CNTNAP5: variants seen among roughly 807,000 people sequenced by gnomAD.
CNTNAP5 encodes the protein contactin associated protein family member 5.
Under a neutral mutation model 150.2 loss-of-function variants are expected in CNTNAP5, and 72 were observed. The ratio of observed to expected loss-of-function variants is 0.48; its 90% CI spans 0.40 to 0.58. The LOEUF (loss-of-function observed/expected upper bound fraction) is 0.58, where lower values mean the gene tolerates loss of function less well. CNTNAP5 is among the 20% of genes least tolerant of loss of function. CNTNAP5 has a pLI of 0.00. For synonymous variants in CNTNAP5, 672 were observed against 619.8 expected, an observed-to-expected ratio of 1.08 and a Z score of -1.25; for missense variants, 1,636 against 1,626.2, an observed-to-expected ratio of 1.01 and a Z score of -0.10.
chr2:124,893,745 C>CT (rs1558816426), intron 21 of CNTNAP5, among the ~76,000 whole-genome samples: 1 of 152,038 alleles, frequency 6.6e-6, no homozygotes, highest in Admixed American at 6.6e-5. Context: ...TGGGACCATT[C>CT]TTTTTTTAGG....
At chr2:124,487,090 C>T (rs528564541) in intron 7 of CNTNAP5, among the ~76,000 whole-genome samples, 2 of 152,256 alleles carry the variant, frequency 1.3e-5, no homozygotes, top group South Asian at 4.2e-4. Flanking sequence ...AGTACATCCA[C>T]CCATGGGGTT....
chr2:124,820,646 A>G (rs1682467560), intron 19 of CNTNAP5, among the ~76,000 whole-genome samples: 1 of 152,146 alleles, frequency 6.6e-6, no homozygotes, highest in Non-Finnish European at 1.5e-5. Flanking sequence ...ATGGGCTTCT[A>G]GTTTCAATTA....
rs1223666404 is a variant in CNTNAP5 at position 124,917,337 on chromosome 2, A to C, written c.*3049A>C. 6.6e-6 allele frequency among the ~76,000 whole-genome samples: 1 copy of C among 152,064 alleles called. No homozygotes were observed. The highest frequency in any genetic ancestry group is 2.4e-5 in the African/African-American group (1 of 41,438). ...CATTGATATTTTTTTCCACCAAACA[A>C]ATCTATTTATGTAAGCAACAGTATA... On this transcript the variant is annotated 3_prime_UTR_variant, in exon 24 of 24. Transcript: ENST00000682447.
chr2:124,754,756 T>A (rs1291410377), intron 14 of CNTNAP5, among the ~76,000 whole-genome samples: 1 of 152,048 alleles, frequency 6.6e-6, no homozygotes, highest in Non-Finnish European at 1.5e-5. Flanking sequence ...GGTGTGATCT[T>A]GGCTCACCGC....
chr2:124,627,483 C>CCTGA (rs3039904), intron 12 of CNTNAP5, among the ~76,000 whole-genome samples: 64,299 of 150,188 alleles, frequency 0.43, 15,648 homozygotes, highest in Non-Finnish European at 0.56. Flanking sequence ...AGAAGAAAGG[C>CCTGA]CTGTTAGAAG....
At chr2:124,650,169 G>C (rs1371705507) in intron 13 of CNTNAP5, among the ~76,000 whole-genome samples, 1 of 152,160 alleles carries the variant, frequency 6.6e-6, no homozygotes, top group Admixed American at 6.5e-5. Flanking sequence ...GAATCAAAAG[G>C]AGGGAGATAA....
intron 1 of CNTNAP5, among the ~76,000 whole-genome samples, chr2:124,038,118 C>T (rs1253957370): frequency 2.0e-5 from 3 of 152,088 alleles, no homozygotes; most frequent in Non-Finnish European, 4.4e-5. Context: ...ATACCCAATT[C>T]CATTATTTTT....
At chr2:124,446,473 A>G (rs1412812720) in intron 5 of CNTNAP5, among the ~76,000 whole-genome samples, 1 of 152,152 alleles carries the variant, frequency 6.6e-6, no homozygotes. Context: ...AATCATATTT[A>G]TGTAGCCATA....
intron 8 of CNTNAP5, among the ~76,000 whole-genome samples, chr2:124,507,468 A>AAAC (rs1331950736): frequency 4.2e-4 from 64 of 152,116 alleles, no homozygotes; most frequent in Admixed American, 2.8e-3. Context: ...CAAAAAAACA[A>AAAC]AACAACAACA....
intron 13 of CNTNAP5, among the ~76,000 whole-genome samples, chr2:124,703,352 T>A (rs1679566619): frequency 6.6e-6 from 1 of 151,712 alleles, no homozygotes; most frequent in Non-Finnish European, 1.5e-5. Flanking sequence ...AGCATGAATA[T>A]CATATATATT....
At chr2:124,665,855 C>T (rs937761527) in intron 13 of CNTNAP5, among the ~76,000 whole-genome samples, 3 of 149,516 alleles carry the variant, frequency 2.0e-5, no homozygotes, top group African/African-American at 4.9e-5. Flanking sequence ...CACTGCACTC[C>T]GGCCTGGGCG....
intron 1 of CNTNAP5, among the ~76,000 whole-genome samples, chr2:124,027,709 A>G (rs1184490435): frequency 6.6e-6 from 1 of 152,240 alleles, no homozygotes; most frequent in African/African-American, 2.4e-5. Flanking sequence ...GTATTTTATC[A>G]GTGACAGTTT....
At chr2:124,548,713 G>A (rs1479045783) in intron 10 of CNTNAP5, among the ~76,000 whole-genome samples, 1 of 152,136 alleles carries the variant, frequency 6.6e-6, no homozygotes, top group African/African-American at 2.4e-5. Flanking sequence ...CCATCTGCAA[G>A]TATAAGTGAC....
intron 1 of CNTNAP5, among the ~76,000 whole-genome samples, chr2:124,153,306 G>T (rs1244486889): frequency 6.6e-6 from 1 of 152,136 alleles, no homozygotes; most frequent in Non-Finnish European, 1.5e-5. Context: ...AATAGCAAGA[G>T]GTCTAGAGTG....
chr2:124,860,493 TTCCTTCCTTCTTTCCTTCC>T lies in CNTNAP5; in HGVS notation c.3218-4811_3218-4793del, dbSNP rs1558803933. On this transcript the variant is annotated intron_variant, in intron 19 of 23. Coordinates refer to ENST00000682447, the MANE Select transcript of CNTNAP5 (RefSeq NM_001367498.1). ...CTTCCTTCCTTCCTTCCTTCCTTCC[TTCCTTCCTTCTTTCCTTCC>T]TTCCTTCCTTCCTTCCTTCCTTCCT... is the stretch of plus-strand genomic sequence containing the variant. 2.8e-4 allele frequency among the ~76,000 whole-genome samples: 30 copies of T among 108,560 alleles called. 1 individual carries two copies. Among genetic ancestry groups the T allele is most frequent in the East Asian group, 1.7e-3 (7 of 4,012 alleles). 71.2% of individuals were successfully genotyped at this position (108,560 alleles called of 152,430 possible). A position where few individuals can be genotyped will look rare whatever the true frequency, so the allele number is the denominator to read the frequency against.
At chr2:124,316,001 C>A (rs536122039) in intron 3 of CNTNAP5, among the ~76,000 whole-genome samples, 98 of 152,246 alleles carry the variant, frequency 6.4e-4, no homozygotes, top group African/African-American at 2.0e-3. Context: ...TGAGGATGGA[C>A]CATATACAGA....
At chr2:124,245,289 G>A (rs1233765829) in intron 3 of CNTNAP5, among the ~76,000 whole-genome samples, 3 of 152,094 alleles carry the variant, frequency 2.0e-5, no homozygotes, top group Non-Finnish European at 4.4e-5. Flanking sequence ...AATTTGCCTT[G>A]TGGCTAACTA....
chr2:124,365,832 C>T (rs1690357588), intron 3 of CNTNAP5, among the ~76,000 whole-genome samples: 1 of 152,148 alleles, frequency 6.6e-6, no homozygotes, highest in Non-Finnish European at 1.5e-5. Context: ...ATCTGAAGAT[C>T]CCATTCTTAA....
At position 124,604,049 on chromosome 2, in the gene CNTNAP5, C is replaced by T. The variant is rs186845295; in HGVS notation, c.1757-5752C>T. ...GGTCCCAAAATTGACTCAGTAAAAT[C>T]TTTTTTCCTTTTATGTGTTAACTTT... On this transcript the variant is annotated intron_variant, in intron 11 of 23. Transcript: ENST00000682447. Among the ~76,000 whole-genome samples the T allele has an allele frequency of 8.0e-3, 1,219 of 152,204 alleles. 7 individuals carry two copies. Among genetic ancestry groups the T allele is most frequent in the Middle Eastern group, 0.014 (4 of 294 alleles).
Sources: gnomAD v4.1 joint callset for allele counts (sites outside exome capture counted in the v4.1 genomes callset) on GRCh38, gnomAD v4.1.1 for gene constraint, MANE v1.5 for transcripts, NCBI Gene and HGNC (gene_info 2026-07-23, HGNC 2026-07-21) for gene names.